Variants in SYT14 observed in about 807,000 individuals in gnomAD.
SYT14 encodes synaptotagmin-14.
In SYT14, 32 loss-of-function variants were observed where a neutral mutation model predicts 74.2. That is an observed-to-expected ratio of 0.43 (90% CI 0.33 to 0.58). SYT14 has a LOEUF of 0.58. Among genes scored for constraint, SYT14 ranks in the 20% least tolerant of loss-of-function variants. The pLI is 0.05. For synonymous variants in SYT14, 298 were observed against 337.7 expected (o/e 0.88, Z 1.29); for missense variants, 791 against 981.8 (o/e 0.81, Z 2.60).
chr1:210,012,337 G>T (rs947890984), intron 2 of SYT14, among the ~76,000 whole-genome samples: 1 of 152,146 alleles, frequency 6.6e-6, no homozygotes, highest in African/African-American at 2.4e-5. Context: ...ATTGTTCAAG[G>T]AACACAGGAA....
At chr1:210,101,685 A>AT (rs2082068447) in intron 7 of SYT14, among the ~76,000 whole-genome samples, 1 of 149,400 alleles carries the variant, frequency 6.7e-6, no homozygotes, top group African/African-American at 2.5e-5. Flanking sequence ...TTCAGGCAAT[A>AT]TTTCGGAGGG....
intron 2 of SYT14, among the ~76,000 whole-genome samples, chr1:209,987,828 T>C (rs1321670324): frequency 5.3e-5 from 8 of 152,268 alleles, no homozygotes; most frequent in Non-Finnish European, 1.2e-4. Flanking sequence ...CTGATGAATC[T>C]CTTGTCAGCC....
chr1:209,974,747 A>T (rs1290402227), intron 2 of SYT14, among the ~76,000 whole-genome samples: 1 of 152,180 alleles, frequency 6.6e-6, no homozygotes, highest in African/African-American at 2.4e-5. Context: ...AATTCTGTGA[A>T]GAAAGTCATT....
intron 5 of SYT14, among the ~76,000 whole-genome samples, chr1:210,090,791 T>C (rs956903484): frequency 6.6e-6 from 1 of 152,102 alleles, no homozygotes; most frequent in Non-Finnish European, 1.5e-5. Context: ...ATTTTTCTTA[T>C]ATCAATTACA....
At position 210,155,842 on chromosome 1, in the gene SYT14, C is replaced by T. The variant is rs2083258098; in HGVS notation, c.2156C>T (p.Thr719Ile). ...ATTGGCCTGCTTTATAATGCCACAA[C>T]TGGAAGACTATCAGCAGAAGTGATA... is the stretch of plus-strand genomic sequence containing the variant. Residue 719 changes from threonine (T) to isoleucine (I), a missense_variant, in exon 8 of 10, where the codon ACT becomes ATT. Transcript: ENST00000637265. 2.5e-6 allele frequency: 4 copies of T among 1,613,998 alleles called. No homozygotes were observed. The highest frequency in any genetic ancestry group is 1.1e-5 in the South Asian group (1 of 91,084).
At chr1:210,068,668 A>G (rs1246107560) in intron 5 of SYT14, among the ~76,000 whole-genome samples, 2 of 151,670 alleles carry the variant, frequency 1.3e-5, no homozygotes, top group African/African-American at 4.8e-5. Flanking sequence ...TTTCAGAATT[A>G]TGATTGTAAA....
At chr1:209,947,313 T>C (rs2078838729) in intron 1 of SYT14, among the ~76,000 whole-genome samples, 2 of 152,200 alleles carry the variant, frequency 1.3e-5, no homozygotes, top group Non-Finnish European at 2.9e-5. Context: ...GCAAAGTAAA[T>C]TGAAAACTTT....
intron 2 of SYT14, among the ~76,000 whole-genome samples, chr1:209,980,900 T>C (rs1050848634): frequency 6.6e-6 from 1 of 152,238 alleles, no homozygotes; most frequent in Admixed American, 6.5e-5. Flanking sequence ...AACTTTGTTC[T>C]TTTTGCTTAG....
chr1:210,067,158 G>A (rs936187192), intron 5 of SYT14, among the ~76,000 whole-genome samples: 1 of 151,960 alleles, frequency 6.6e-6, no homozygotes, highest in African/African-American at 2.4e-5. Flanking sequence ...TGATCTACGT[G>A]TCTGTCCTCT....
At chr1:210,118,283 G>A (rs1225723346) in intron 7 of SYT14, among the ~76,000 whole-genome samples, 8 of 152,142 alleles carry the variant, frequency 5.3e-5, no homozygotes, top group Admixed American at 2.0e-4. Flanking sequence ...ATCATAGGGA[G>A]ACAACATTCA....
chr1:210,169,063 T>A (rs889421136), exon 10 of SYT14: 1 of 152,026 alleles, frequency 6.6e-6, no homozygotes, highest in Non-Finnish European at 1.5e-5. Flanking sequence ...TGCACATTCT[T>A]TTTATTTTAA....
chr1:210,084,426 G>T (rs1481475837), intron 5 of SYT14, among the ~76,000 whole-genome samples: 1 of 152,134 alleles, frequency 6.6e-6, no homozygotes, highest in African/African-American at 2.4e-5. Flanking sequence ...ATGTATTTTT[G>T]TAGGATTTAG....
intron 7 of SYT14, among the ~76,000 whole-genome samples, chr1:210,110,485 G>C (rs963003767): frequency 6.6e-6 from 1 of 152,114 alleles, no homozygotes; most frequent in Non-Finnish European, 1.5e-5. Flanking sequence ...GAGTCACTTG[G>C]GATATGAGGG....
chr1:210,063,513 A>G (rs2081243196), intron 5 of SYT14, among the ~76,000 whole-genome samples: 1 of 151,836 alleles, frequency 6.6e-6, no homozygotes. Flanking sequence ...CTGAACTTTT[A>G]GAATAATTCT....
At chr1:209,965,959 C>T in intron 2 of SYT14, 2 of 454,902 alleles carry the variant, frequency 4.4e-6, no homozygotes, top group Non-Finnish European at 8.8e-6. Flanking sequence ...CAACTTCCGC[C>T]TCCTGGGTTC....
intron 2 of SYT14, among the ~76,000 whole-genome samples, chr1:209,957,889 T>G (rs986127020): frequency 1.3e-5 from 2 of 152,156 alleles, no homozygotes; most frequent in African/African-American, 4.8e-5. Context: ...TTAATGTTAA[T>G]TTAGTCTAAC....
At chr1:210,070,910 A>ATTTTTTTTTTTTT in intron 5 of SYT14, among the ~76,000 whole-genome samples, 1 of 116,298 alleles carries the variant, frequency 8.6e-6, no homozygotes, top group Non-Finnish European at 1.7e-5. Flanking sequence ...GTTGGGTATA[A>ATTTTTTTTTTTTT]TTTTTTTTTT....
At chr1:210,111,973 G>A (rs2082271181) in intron 7 of SYT14, among the ~76,000 whole-genome samples, 1 of 151,170 alleles carries the variant, frequency 6.6e-6, no homozygotes, top group South Asian at 2.1e-4. Flanking sequence ...GGTGGTAAGG[G>A]GCATGAAGGT....
At chr1:210,068,245 T>C (rs1470210454) in intron 5 of SYT14, among the ~76,000 whole-genome samples, 1 of 151,858 alleles carries the variant, frequency 6.6e-6, no homozygotes, top group Non-Finnish European at 1.5e-5. Context: ...TTAAAAGATA[T>C]CCCTTTGCTA....
Sources: allele counts gnomAD v4.1 joint callset (sites outside exome capture counted in the v4.1 genomes callset), GRCh38; gene constraint gnomAD v4.1.1; transcripts MANE v1.5; gene names NCBI Gene and HGNC (gene_info 2026-07-23, HGNC 2026-07-21).